Variants in MAGI1 observed in about 807,000 individuals in gnomAD.
The protein encoded by MAGI1 is membrane-associated guanylate kinase, WW and PDZ domain-containing protein 1.
In MAGI1, 58 loss-of-function variants were observed where a neutral mutation model predicts 139.9. That is an observed-to-expected ratio of 0.41 (90% CI 0.34 to 0.52). The LOEUF (loss-of-function observed/expected upper bound fraction) is 0.52, where lower values mean the gene tolerates loss of function less well. Among genes scored for constraint, MAGI1 ranks in the 20% least tolerant of loss-of-function variants. The pLI, the probability that MAGI1 is intolerant of heterozygous loss-of-function variation, is 0.12. For missense variants in MAGI1, 1,874 were observed against 1,901.6 expected, an observed-to-expected ratio of 0.99 and a Z score of 0.27; for synonymous variants, 812 against 737.9, an observed-to-expected ratio of 1.10 and a Z score of -1.63.
At chr3:65,711,014 T>C (rs1190607762) in intron 1 of MAGI1, among the ~76,000 whole-genome samples, 1 of 152,194 alleles carries the variant, frequency 6.6e-6, no homozygotes, top group African/African-American at 2.4e-5. Context: ...GTCTCATCCA[T>C]TTTCATAGCC....
Position 65,377,615 on chromosome 3 carries a change from G to T in MAGI1, c.2995+1646C>A, listed in dbSNP as rs149763412. Among the ~76,000 whole-genome samples the T allele has an allele frequency of 8.6e-3, 1,314 of 152,284 alleles. 35 individuals are homozygous for T. Among genetic ancestry groups the T allele is most frequent in the Admixed American group, 0.061 (940 of 15,288 alleles). On this transcript the variant is annotated intron_variant, in intron 17 of 22. Coordinates refer to ENST00000402939, the MANE Select transcript of MAGI1 (RefSeq NM_001033057.2). ...GAGACAGTCAAACTGTAGATCTGAA[G>T]AAAATAATTTGGGATTTCTTTCTCC...
intron 1 of MAGI1, among the ~76,000 whole-genome samples, chr3:65,954,912 A>G (rs1440272961): frequency 6.6e-6 from 1 of 152,216 alleles, no homozygotes; most frequent in Non-Finnish European, 1.5e-5. Context: ...CATTCTGAAC[A>G]TAACCCTCAT....
At chr3:65,643,280 T>G (rs927909216) in intron 1 of MAGI1, among the ~76,000 whole-genome samples, 1 of 152,184 alleles carries the variant, frequency 6.6e-6, no homozygotes, top group African/African-American at 2.4e-5. Context: ...TAGTACTTAT[T>G]ATTCTACTTT....
Position 65,714,087 on chromosome 3 carries a change from C to T in MAGI1, c.314-91999G>A, listed in dbSNP as rs962469236. ...TTGGCTGCTCTATCTGTAAAACAGG[C>T]ATGCCACCGCACTGGGTTGACGTAA... On this transcript the variant is annotated intron_variant, in intron 1 of 22. Coordinates refer to ENST00000402939, the MANE Select transcript of MAGI1 (RefSeq NM_001033057.2). Among the ~76,000 whole-genome samples, 6 of 152,190 alleles carry T rather than the reference C, an allele frequency of 3.9e-5. No homozygotes were observed. The South Asian group carries it at 1.2e-3, about 32-fold the overall frequency.
At chr3:65,383,270 C>G (rs1022277799) in intron 15 of MAGI1, among the ~76,000 whole-genome samples, 1 of 152,172 alleles carries the variant, frequency 6.6e-6, no homozygotes, top group Non-Finnish European at 1.5e-5. Context: ...TTTTCATCTC[C>G]CTTGGGGGAA....
chr3:65,543,850 A>G (rs1485851260), intron 2 of MAGI1, among the ~76,000 whole-genome samples: 4 of 152,150 alleles, frequency 2.6e-5, no homozygotes, highest in Non-Finnish European at 2.9e-5. Flanking sequence ...GTGTATACCT[A>G]TGTAACAAAT....
intron 1 of MAGI1, among the ~76,000 whole-genome samples, chr3:65,915,996 GTA>G (rs1332200648): frequency 1.3e-5 from 2 of 148,244 alleles, no homozygotes; most frequent in Admixed American, 1.4e-4. Flanking sequence ...TATATAATAT[GTA>G]TATATTTATA....
chr3:66,018,582 T>C (rs372964680), intron 1 of MAGI1, among the ~76,000 whole-genome samples: 2 of 152,146 alleles, frequency 1.3e-5, no homozygotes, highest in East Asian at 3.9e-4. Flanking sequence ...CTGTAACCAG[T>C]AAACTATCTT....
At chr3:65,428,965 A>G (rs1286884026) in intron 12 of MAGI1, among the ~76,000 whole-genome samples, 1 of 152,112 alleles carries the variant, frequency 6.6e-6, no homozygotes, top group Non-Finnish European at 1.5e-5. Context: ...AAAAGGCTTG[A>G]AGCATTAAAG....
At chr3:65,639,989 C>CAA (rs10576734) in intron 1 of MAGI1, among the ~76,000 whole-genome samples, 1,992 of 136,242 alleles carry the variant, frequency 0.015, 36 homozygotes, top group African/African-American at 0.039. Context: ...AACTCCGTCT[C>CAA]AAAAAAAAAA....
At chr3:65,980,931 G>C (rs887625041) in intron 1 of MAGI1, among the ~76,000 whole-genome samples, 8 of 152,000 alleles carry the variant, frequency 5.3e-5, no homozygotes, top group African/African-American at 1.7e-4. Flanking sequence ...GGCCAAAGCA[G>C]GCAGATCACT....
chr3:65,445,221 G>T (rs990642991), intron 7 of MAGI1, among the ~76,000 whole-genome samples: 2 of 152,116 alleles, frequency 1.3e-5, no homozygotes, highest in Admixed American at 1.3e-4. Flanking sequence ...ACTACTCTGT[G>T]GCCTTGGGCT....
chr3:65,989,730 G>T (rs2066065802), intron 1 of MAGI1, among the ~76,000 whole-genome samples: 1 of 152,034 alleles, frequency 6.6e-6, no homozygotes, highest in African/African-American at 2.4e-5. Context: ...TAGAGACAGG[G>T]TTTTGCCACA....
At chr3:65,430,956 A>G in intron 10 of MAGI1, 75 bp from the exon 11 acceptor site, 5 of 1,385,520 alleles carry the variant, frequency 3.6e-6, no homozygotes, top group Non-Finnish European at 5.0e-6. Context: ...TTGAGACAAC[A>G]TATAGATAAT....
chr3:65,695,301 CCCA>C (rs765980668), intron 1 of MAGI1, among the ~76,000 whole-genome samples: 17,818 of 152,138 alleles, frequency 0.12, 1,588 homozygotes, highest in East Asian at 0.43. Context: ...AGGCATCACC[CCCA>C]TTAAATAATA....
intron 2 of MAGI1, among the ~76,000 whole-genome samples, chr3:65,509,043 T>C (rs2107738249): frequency 6.6e-6 from 1 of 152,378 alleles, no homozygotes; most frequent in East Asian, 1.9e-4. Flanking sequence ...TTTCACCAGA[T>C]ACTTGCCTCT....
chr3:65,891,925 TATATATATATATATATAC>T (rs2060782868), intron 1 of MAGI1, among the ~76,000 whole-genome samples: 1 of 107,860 alleles, frequency 9.3e-6, no homozygotes, highest in Non-Finnish European at 1.9e-5. Flanking sequence ...TATATATATA[TATATATATATATATATAC>T]CCGTGTTGCT....
In MAGI1 at chr3:65,361,326, T is replaced by C. The variant is rs1256282269; in HGVS notation, c.3507A>G (p.Glu1169=). ...TGGTCTCACCATTGATCTCTAAAAT[T>C]TCATCACCAATCTGCCAAAGCAAAA... is the stretch of plus-strand genomic sequence containing the variant. ...ERCGKMRIGD[E]ILEINGETTK... is the part of the protein sequence containing the mutation. The change falls in exon 22 of 23, where the codon GAA becomes GAG. Residue 1169 remains glutamate (E), a synonymous_variant. Transcript: ENST00000402939. 1.2e-5 allele frequency: 20 copies of C among 1,613,588 alleles called. No individual in the cohort carries two copies. The highest frequency in any genetic ancestry group is 1.4e-5 in the Non-Finnish European group (17 of 1,179,760).
intron 3 of MAGI1, among the ~76,000 whole-genome samples, chr3:65,479,390 G>C (rs1432890951): frequency 1.3e-5 from 2 of 152,098 alleles, no homozygotes; most frequent in Non-Finnish European, 2.9e-5. Flanking sequence ...TGTGTCAATG[G>C]TGGCACCCAG....
Sources: allele counts gnomAD v4.1 joint callset (sites outside exome capture counted in the v4.1 genomes callset), GRCh38; gene constraint gnomAD v4.1.1; transcripts MANE v1.5; gene names NCBI Gene and HGNC (gene_info 2026-07-23, HGNC 2026-07-21).